The following DYM variants were observed in gnomAD, a reference collection of about 807,000 sequenced individuals.
The protein encoded by DYM is dymeclin.
Under a neutral mutation model 93.1 loss-of-function variants are expected in DYM, and 78 were observed. The observed-to-expected ratio is 0.84, with a 90% CI of 0.70 to 1.01. DYM has a LOEUF of 1.01. Ranked by LOEUF, DYM falls within the 50% of genes least tolerant of loss-of-function variation. DYM has a pLI of 0.00. For synonymous variants in DYM, 321 were observed against 319.7 expected (o/e 1.00, Z -0.04); for missense variants, 789 against 845.0 (o/e 0.93, Z 0.82).
intron 17 of DYM, among the ~76,000 whole-genome samples, chr18:49,047,584 A>G (rs892872929): frequency 2.7e-5 from 4 of 150,784 alleles, no homozygotes; most frequent in African/African-American, 9.8e-5. Flanking sequence ...CTCCTCGTCC[A>G]CTCCTGAAGT....
chr18:49,195,717 G>T (rs1446317403), intron 14 of DYM, among the ~76,000 whole-genome samples: 1 of 152,090 alleles, frequency 6.6e-6, no homozygotes, highest in African/African-American at 2.4e-5. Context: ...GATGGTCATG[G>T]TTATCAGATA....
At chr18:49,326,894 A>G (rs1300409680) in intron 8 of DYM, among the ~76,000 whole-genome samples, 1 of 152,190 alleles carries the variant, frequency 6.6e-6, no homozygotes, top group African/African-American at 2.4e-5. Context: ...CTGTGGTAGC[A>G]TAAGCGATAT....
intron 14 of DYM, among the ~76,000 whole-genome samples, chr18:49,174,849 G>A (rs2089204550): frequency 6.6e-6 from 1 of 152,018 alleles, no homozygotes; most frequent in South Asian, 2.1e-4. Context: ...GAGAGAGCGA[G>A]AACTGAGGGA....
At chr18:49,281,342 T>G (rs1413590184) in intron 10 of DYM, among the ~76,000 whole-genome samples, 4 of 152,326 alleles carry the variant, frequency 2.6e-5, no homozygotes, top group Admixed American at 1.3e-4. Context: ...GGAACACTTT[T>G]ACACTGTTGG....
At chr18:49,249,349 ATATAT>A (rs1238982641) in intron 13 of DYM, among the ~76,000 whole-genome samples, 4 of 152,136 alleles carry the variant, frequency 2.6e-5, no homozygotes, top group South Asian at 2.1e-4. Flanking sequence ...TATCATAATC[ATATAT>A]TATGTTATTA....
At chr18:49,274,696 G>A (rs976759823) in intron 10 of DYM, among the ~76,000 whole-genome samples, 2 of 151,996 alleles carry the variant, frequency 1.3e-5, no homozygotes, top group African/African-American at 4.8e-5. Flanking sequence ...GTGGTATTTC[G>A]CTGTGATTTT....
At position 49,174,365 on chromosome 18, in the gene DYM, A is replaced by G. The variant is rs553150919; in HGVS notation, c.1626-10578T>C. ...ACAGTATTATTATTAACATCACATT[A>G]TAAGTGATGACATACAGAAGTAAAT... is the stretch of plus-strand genomic sequence containing the variant. On this transcript the variant is annotated intron_variant, in intron 14 of 17. Transcript: ENST00000675505. 8.5e-4 allele frequency among the ~76,000 whole-genome samples: 129 copies of G among 152,278 alleles called. 2 individuals are homozygous for G. The highest frequency in any genetic ancestry group is 2.7e-3 in the African/African-American group (113 of 41,568).
Position 49,209,391 on chromosome 18 carries a change from A to T in DYM, c.1625+160T>A, listed in dbSNP as rs372378320. ...ATTACTTAAGAAGACATTTGTAAGG[A>T]AACAAAATCCAGCTATTATTTTAAA... On this transcript the variant is annotated intron_variant, in intron 14 of 17. Transcript: ENST00000675505. Among the ~76,000 whole-genome samples, 23 of 152,366 alleles carry T rather than the reference A, an allele frequency of 1.5e-4. No individual in the cohort carries two copies. The East Asian group carries it at 2.3e-3, about 15-fold the overall frequency.
At chr18:49,196,385 T>A (rs904624749) in intron 14 of DYM, among the ~76,000 whole-genome samples, 3 of 151,998 alleles carry the variant, frequency 2.0e-5, no homozygotes, top group African/African-American at 7.2e-5. Context: ...TCAGCAAATA[T>A]GAAGCACCTA....
At chr18:49,171,841 T>C (rs1432618438) in intron 14 of DYM, among the ~76,000 whole-genome samples, 2 of 151,314 alleles carry the variant, frequency 1.3e-5, no homozygotes, top group Non-Finnish European at 2.9e-5. Context: ...CTGGTTACCT[T>C]AGTTTTAATC....
At chr18:49,079,928 C>T (rs2077664931) in intron 17 of DYM, among the ~76,000 whole-genome samples, 1 of 151,298 alleles carries the variant, frequency 6.6e-6, no homozygotes, top group Non-Finnish European at 1.5e-5. Context: ...GGTACACCTC[C>T]CAGACGGGGT....
At chr18:49,099,193 G>T (rs2079869005) in intron 16 of DYM, among the ~76,000 whole-genome samples, 1 of 152,082 alleles carries the variant, frequency 6.6e-6, no homozygotes, top group African/African-American at 2.4e-5. Flanking sequence ...ATATGCTTTA[G>T]GCTTACTGAA....
chr18:49,215,462 C>T (rs2092989099), intron 13 of DYM, among the ~76,000 whole-genome samples: 1 of 152,152 alleles, frequency 6.6e-6, no homozygotes, highest in Non-Finnish European at 1.5e-5. Flanking sequence ...TTTTGAAATT[C>T]TTTACAGACA....
chr18:49,069,522 A>C (rs984711286), intron 17 of DYM, among the ~76,000 whole-genome samples: 2 of 152,222 alleles, frequency 1.3e-5, no homozygotes, highest in Non-Finnish European at 2.9e-5. Flanking sequence ...TAGCATGTAA[A>C]AGTTCTTATA....
intron 15 of DYM, among the ~76,000 whole-genome samples, chr18:49,145,108 C>CATATATATATATATAT (rs56212722): frequency 0.042 from 782 of 18,622 alleles, 29 homozygotes; most frequent in Non-Finnish European, 0.052. Flanking sequence ...CAAAAAAATT[C>CATATATATATATATAT]ATATATATAT....
At position 49,039,971 on chromosome 18, in the gene DYM, G is replaced by C. The variant is rs1426654389; in HGVS notation, c.*4084C>G. The C allele has an allele frequency of 6.6e-6, 1 of 152,160 alleles. No homozygotes were observed. The highest frequency in any genetic ancestry group is 1.5e-5 in the Non-Finnish European group (1 of 68,034). 9.4% of individuals were successfully genotyped at this position (152,160 alleles called of 1,614,324 possible). A position where few individuals can be genotyped will look rare whatever the true frequency, so the allele number is the denominator to read the frequency against. On this transcript the variant is annotated 3_prime_UTR_variant, in exon 18 of 18. Coordinates refer to ENST00000675505, the MANE Select transcript of DYM (RefSeq NM_001353214.3). ...TGCAACACTGCAGAAATAATTTGAG[G>C]CCTTGGGTTATGTTTACTTCCTCCA...
rs2071025933 is a variant in DYM, at chr18:49,042,750, G to C, written c.*1305C>G. ...ATCTAGACTGTGAAGGGGCCCGTGA[G>C]GACACAGAGTGTGACTGGAAAGGAA... On this transcript the variant is annotated 3_prime_UTR_variant, in exon 18 of 18. Coordinates refer to ENST00000675505, the MANE Select transcript of DYM (RefSeq NM_001353214.3). 6.6e-6 allele frequency: 1 copy of C among 152,220 alleles called. No homozygotes were observed. Among genetic ancestry groups the C allele is most frequent in the African/African-American group, 2.4e-5 (1 of 41,454 alleles). The allele number at this position is 152,220 out of a possible 1,614,324, so 9.4% of individuals were successfully genotyped here.
At chr18:49,444,426 A>G (rs1031486262) in intron 1 of DYM, among the ~76,000 whole-genome samples, 2 of 152,170 alleles carry the variant, frequency 1.3e-5, no homozygotes, top group African/African-American at 4.8e-5. Context: ...AATTCAGCCT[A>G]AAGTTAGAAG....
Position 49,076,174 on chromosome 18 carries a change from T to C in DYM, c.2025+21228A>G, listed in dbSNP as rs185707691. ...GGAATAATCTTTCTCTGTATGTATC[T>C]GTGTGTCTCTGTATGTGTATGTGTG... On this transcript the variant is annotated intron_variant, in intron 17 of 17. Transcript: ENST00000675505. Among the ~76,000 whole-genome samples the C allele has an allele frequency of 7.2e-5, 11 of 152,326 alleles. No homozygotes were observed. The East Asian group carries it at 1.9e-3, about 27-fold the overall frequency.
Sources: gnomAD v4.1 joint callset for allele counts (sites outside exome capture counted in the v4.1 genomes callset) on GRCh38, gnomAD v4.1.1 for gene constraint, MANE v1.5 for transcripts, NCBI Gene and HGNC (gene_info 2026-07-23, HGNC 2026-07-21) for gene names.